UIMC1: variants seen among roughly 807,000 people sequenced by gnomAD.
UIMC1 encodes BRCA1-A complex subunit RAP80.
UIMC1 carries 42 observed loss-of-function variants against 84.9 expected under a neutral mutation model. The observed-to-expected ratio is 0.49, with a 90% confidence interval of 0.39 to 0.64. The LOEUF is 0.64. UIMC1 is among the 30% of genes least tolerant of loss of function. The pLI, the probability that UIMC1 is intolerant of heterozygous loss-of-function variation, is 0.00. For synonymous variants in UIMC1, 281 were observed against 293.0 expected (o/e 0.96, Z 0.42); for missense variants, 825 against 847.6 (o/e 0.97, Z 0.33).
chr5:176,929,554 G>A (rs1306058576), intron 10 of UIMC1, among the ~76,000 whole-genome samples: 3 of 151,872 alleles, frequency 2.0e-5, no homozygotes, highest in African/African-American at 7.3e-5. Flanking sequence ...GTGAGAGAGT[G>A]ACTCCGTCTC....
At position 176,947,816 on chromosome 5, in the gene UIMC1, A is replaced by C. The variant is rs560328932; in HGVS notation, c.1443+3658T>G. 1.0e-3 allele frequency among the ~76,000 whole-genome samples: 152 copies of C among 151,782 alleles called. 1 individual carries two copies. Among genetic ancestry groups the C allele is most frequent in the African/African-American group, 3.0e-3 (126 of 41,446 alleles). On this transcript the variant is annotated intron_variant, in intron 9 of 14. Transcript: ENST00000511320. Reference sequence around the variant, plus strand: ...AGGCAACAGGGTGAGACTCCATCTCAAAAGAAAAAAAAAAAAATTATACAA... The same window carrying C: ...AGGCAACAGGGTGAGACTCCATCTCCAAAGAAAAAAAAAAAAATTATACAA...
At chr5:176,939,023 C>A (rs943683470) in intron 10 of UIMC1, among the ~76,000 whole-genome samples, 1 of 151,270 alleles carries the variant, frequency 6.6e-6, no homozygotes, top group Non-Finnish European at 1.5e-5. Flanking sequence ...GAGGCCAAGG[C>A]GGGATGCCTG....
rs776191688 is a variant in UIMC1 at position 176,956,008 on chromosome 5, G to A, written c.1290C>T (p.Ser430=). The change falls in exon 8 of 15, where the codon AGC becomes AGT. Residue 430 remains serine, a synonymous_variant. Coordinates refer to ENST00000511320, the MANE Select transcript of UIMC1 (RefSeq NM_001199298.2). ...QSVAALTSKR[S]LVLMPESSAE... The stretch of plus-strand genomic sequence containing the variant: ...CAGAACTCTCTGGCATAAGGACTAA[G>A]CTTCTCTTACTGGTCAAAGCAGCAA... The A allele has an allele frequency of 2.0e-5, 33 of 1,613,586 alleles. No individual in the cohort carries two copies. In the Admixed American group the frequency reaches 5.3e-4, roughly 26 times the overall value.
chr5:176,948,609 C>T (rs1284398927), intron 9 of UIMC1, among the ~76,000 whole-genome samples: 2 of 152,244 alleles, frequency 1.3e-5, no homozygotes, highest in Admixed American at 6.5e-5. Flanking sequence ...CTTACCAGAA[C>T]CCTCTGAGTG....
At chr5:176,992,803 A>T (rs1348142277) in intron 1 of UIMC1, among the ~76,000 whole-genome samples, 1 of 151,350 alleles carries the variant, frequency 6.6e-6, no homozygotes, top group Non-Finnish European at 1.5e-5. Context: ...AAGACCCCGT[A>T]TCAAAAAAGA....
intron 1 of UIMC1, among the ~76,000 whole-genome samples, chr5:176,987,560 A>T (rs1346278879): frequency 1.3e-5 from 2 of 151,980 alleles, no homozygotes; most frequent in Non-Finnish European, 2.9e-5. Flanking sequence ...GGCTGAGGTA[A>T]AAGGACTGCT....
intron 10 of UIMC1, among the ~76,000 whole-genome samples, chr5:176,932,697 G>A (rs1763259142): frequency 6.6e-6 from 1 of 152,042 alleles, no homozygotes; most frequent in African/African-American, 2.4e-5. Context: ...CTATTCAGTG[G>A]AAGAAGGTAC....
At chr5:176,979,780 G>C (rs1217127685) in intron 2 of UIMC1, among the ~76,000 whole-genome samples, 2 of 152,124 alleles carry the variant, frequency 1.3e-5, no homozygotes, top group Non-Finnish European at 2.9e-5. Context: ...TGCTGCTATA[G>C]AAAGGTCTCC....
At chr5:176,959,789 TG>T (rs1767104298) in intron 6 of UIMC1, among the ~76,000 whole-genome samples, 1 of 151,916 alleles carries the variant, frequency 6.6e-6, no homozygotes, top group African/African-American at 2.4e-5. Context: ...CCCAGCACTT[TG>T]GGAGGCCAAG....
At chr5:176,913,987 C>A (rs1461593572) in intron 10 of UIMC1, among the ~76,000 whole-genome samples, 1 of 150,700 alleles carries the variant, frequency 6.6e-6, no homozygotes, top group Non-Finnish European at 1.5e-5. Context: ...AAAATTAATA[C>A]CATACCATAC....
rs530218529 is a variant in UIMC1 at position 176,957,940 on chromosome 5, T to TAA, written c.1262+152_1262+153insTT. ...TCTATGAGATGCACATCTGAGAACT[T>TAA]AGAGATACTAATAAAATTTCTCCTA... On this transcript the variant is annotated intron_variant, in intron 7 of 14. Coordinates refer to ENST00000511320, the MANE Select transcript of UIMC1 (RefSeq NM_001199298.2). Among the ~76,000 whole-genome samples, 292 of 152,324 alleles carry TAA rather than the reference T, an allele frequency of 1.9e-3. 3 individuals are homozygous for TAA. The highest frequency in any genetic ancestry group is 0.01 in the Middle Eastern group (3 of 294).
chr5:176,974,892 T>G (rs1412126392), intron 3 of UIMC1, among the ~76,000 whole-genome samples: 3 of 152,010 alleles, frequency 2.0e-5, no homozygotes, highest in African/African-American at 7.3e-5. Flanking sequence ...CTGGTGGCTG[T>G]CACCTGTAAT....
At chr5:176,943,915 A>C (rs1251520800) in intron 9 of UIMC1, among the ~76,000 whole-genome samples, 2 of 152,196 alleles carry the variant, frequency 1.3e-5, no homozygotes, top group African/African-American at 2.4e-5. Context: ...TTGAGATTCA[A>C]ATGAAGGACT....
intron 2 of UIMC1, among the ~76,000 whole-genome samples, chr5:176,981,144 GTTTT>G (rs769202785): frequency 1.5e-5 from 2 of 132,278 alleles, no homozygotes; most frequent in African/African-American, 5.5e-5. Context: ...TGTTTTGTTG[GTTTT>G]TTTTTTTTTT....
chr5:176,969,462 A>G (rs1332195243), intron 5 of UIMC1, 139 bp downstream of exon 5: 1 of 1,268,670 alleles, frequency 7.9e-7, no homozygotes, highest in East Asian at 2.4e-5. Flanking sequence ...TATTCTTATG[A>G]TCTCAACTAC....
At chr5:176,971,452 A>C (rs971876216) in intron 3 of UIMC1, among the ~76,000 whole-genome samples, 5 of 152,210 alleles carry the variant, frequency 3.3e-5, no homozygotes, top group Admixed American at 6.5e-5. Flanking sequence ...TGTATTAGAC[A>C]CTACTAGACA....
At chr5:176,921,821 GT>G (rs1365850560) in intron 10 of UIMC1, among the ~76,000 whole-genome samples, 5 of 152,090 alleles carry the variant, frequency 3.3e-5, no homozygotes, top group Non-Finnish European at 7.4e-5. Flanking sequence ...TGTAGCCAGA[GT>G]TAGATTACAT....
At chr5:176,982,072 T>C (rs1771138186) in intron 2 of UIMC1, among the ~76,000 whole-genome samples, 1 of 152,192 alleles carries the variant, frequency 6.6e-6, no homozygotes, top group Non-Finnish European at 1.5e-5. Flanking sequence ...TGATTTTTAA[T>C]TTTAGTTATT....
chr5:176,976,894 C>T (rs757100292), intron 2 of UIMC1, among the ~76,000 whole-genome samples: 13 of 152,086 alleles, frequency 8.5e-5, no homozygotes, highest in Admixed American at 3.9e-4. Context: ...GTGAGGCTGA[C>T]GAGGGCAGTG....
Sources: gnomAD v4.1 joint callset for allele counts (sites outside exome capture counted in the v4.1 genomes callset) on GRCh38, gnomAD v4.1.1 for gene constraint, MANE v1.5 for transcripts, NCBI Gene and HGNC (gene_info 2026-07-23, HGNC 2026-07-21) for gene names.